USH2A: variants seen among roughly 807,000 people sequenced by gnomAD.
The protein encoded by USH2A is Usher syndrome 2A (autosomal recessive, mild).
A neutral mutation model predicts 538.9 loss-of-function variants in USH2A; 443 were observed. The ratio of observed to expected loss-of-function variants is 0.82; its 90% CI spans 0.76 to 0.89. The LOEUF is 0.89. USH2A is among the 40% of genes least tolerant of loss of function. USH2A has a pLI of 0.00. For missense variants in USH2A, 6,633 were observed against 6,324.8 expected, an observed-to-expected ratio of 1.05 and a Z score of -1.65; for synonymous variants, 2,413 against 2,273.5, an observed-to-expected ratio of 1.06 and a Z score of -1.75.
intron 61 of USH2A, among the ~76,000 whole-genome samples, chr1:215,717,596 A>T (rs1659521711): frequency 6.6e-6 from 1 of 152,282 alleles, no homozygotes; most frequent in African/African-American, 2.4e-5. Context: ...AGAAAAGACT[A>T]TTTCTCGTTT....
intron 35 of USH2A, among the ~76,000 whole-genome samples, chr1:215,988,637 T>C (rs1571869168): frequency 6.6e-6 from 1 of 152,192 alleles, no homozygotes; most frequent in Non-Finnish European, 1.5e-5. Flanking sequence ...TATTTAAGGG[T>C]TCCAGTTTCT....
At chr1:216,179,151 G>T (rs554477885) in intron 20 of USH2A, among the ~76,000 whole-genome samples, 25 of 152,130 alleles carry the variant, frequency 1.6e-4, no homozygotes, top group Middle Eastern at 6.8e-3. Flanking sequence ...CACCACCACA[G>T]AAATCAAATT....
At chr1:216,346,028 C>T (rs995845248) in intron 4 of USH2A, among the ~76,000 whole-genome samples, 41 of 152,134 alleles carry the variant, frequency 2.7e-4, no homozygotes, top group African/African-American at 9.9e-4. Context: ...GGTTCAATTC[C>T]CAGCTTAGGG....
At position 216,070,215 on chromosome 1, in the gene USH2A, C is replaced by A. The variant is rs763385436; in HGVS notation, c.5935G>T (p.Val1979Phe). ...TACTTCTCAATTACACCTCTGACAA[C>A]AGGTTCATCCCAGGTCACCTCAATG... ...YSIEVTWDEP[V>F]VRGVIEKYIL... The change falls in exon 30 of 72, where the codon GTT (valine) becomes TTT (phenylalanine). Residue 1979 changes from valine to phenylalanine, a missense_variant. Coordinates refer to ENST00000307340, the MANE Select transcript of USH2A (RefSeq NM_206933.4). The A allele has an allele frequency of 5.6e-6, 9 of 1,613,976 alleles. No individual in the cohort carries two copies. In the South Asian group the frequency reaches 9.9e-5, roughly 18 times the overall value.
chr1:215,825,255 G>A (rs1322560282), intron 47 of USH2A, among the ~76,000 whole-genome samples: 1 of 152,054 alleles, frequency 6.6e-6, no homozygotes, highest in Non-Finnish European at 1.5e-5. Context: ...ATCTTGCTAT[G>A]TTGCTCAGGC....
rs1395359795 is a variant in USH2A, at chr1:215,624,716, G to C, written c.*1065C>G. ...ATCATCTGTTCTTACTGATTCTGTG[G>C]CTAAAATAATGGCTAGTTCTCCAAA... is the stretch of plus-strand genomic sequence containing the variant. On this transcript the variant is annotated 3_prime_UTR_variant, in exon 72 of 72. Coordinates refer to ENST00000307340, the MANE Select transcript of USH2A (RefSeq NM_206933.4). The C allele has an allele frequency of 1.3e-5, 2 of 152,008 alleles. No individual in the cohort carries two copies. Among genetic ancestry groups the C allele is most frequent in the Non-Finnish European group, 2.9e-5 (2 of 68,012 alleles). The allele number at this position is 152,008 out of a possible 1,614,324, so 9.4% of individuals were successfully genotyped here. A position where few individuals can be genotyped will look rare whatever the true frequency, so the allele number is the denominator to read the frequency against.
intron 11 of USH2A, among the ~76,000 whole-genome samples, chr1:216,273,346 A>G (rs1171506861): frequency 6.6e-6 from 1 of 152,042 alleles, no homozygotes; most frequent in Non-Finnish European, 1.5e-5. Flanking sequence ...CTCAAAACTC[A>G]CTGACCAGGG....
At chr1:216,358,615 C>G (rs918963184) in intron 4 of USH2A, among the ~76,000 whole-genome samples, 7 of 151,904 alleles carry the variant, frequency 4.6e-5, no homozygotes, top group Non-Finnish European at 1.0e-4. Context: ...AGTCTATACG[C>G]CATCTCTAAT....
chr1:216,120,379 GTATT>G (rs1242470970), intron 21 of USH2A, among the ~76,000 whole-genome samples: 1 of 150,524 alleles, frequency 6.6e-6, no homozygotes, highest in Admixed American at 6.6e-5. Context: ...TATTATTTAT[GTATT>G]TATTTATTTA....
chr1:216,265,211 C>T (rs1406355615), intron 11 of USH2A, among the ~76,000 whole-genome samples: 7 of 151,898 alleles, frequency 4.6e-5, no homozygotes, highest in East Asian at 1.9e-4. Context: ...AGACATTTCT[C>T]AAAAGAAGAC....
In USH2A at chr1:215,647,676, A is replaced by G. The variant is rs1472687205; in HGVS notation, c.14637T>C (p.Thr4879=). Residue 4879 remains threonine (T), a synonymous_variant, in exon 67 of 72, where the codon ACT becomes ACC. Coordinates refer to ENST00000307340, the MANE Select transcript of USH2A (RefSeq NM_206933.4). ...ACPPDSALPC[T]PSQIETKYTG... ...TGTACTTTGTTTCTATTTGGCTGGG[A>G]GTACAGGGGAGGGCTGAGTCAGGAG... is the stretch of plus-strand genomic sequence containing the variant. 8 of 1,614,046 alleles carry G rather than the reference A, an allele frequency of 5.0e-6. No homozygotes were observed. The highest frequency in any genetic ancestry group is 5.9e-6 in the Non-Finnish European group (7 of 1,180,046).
intron 37 of USH2A, among the ~76,000 whole-genome samples, chr1:215,944,084 T>C (rs1012908768): frequency 6.6e-6 from 1 of 152,170 alleles, no homozygotes; most frequent in Non-Finnish European, 1.5e-5. Flanking sequence ...CCAAGGAAAG[T>C]ATGTAAATTG....
At chr1:215,929,920 A>G (rs1198512397) in intron 38 of USH2A, among the ~76,000 whole-genome samples, 2 of 151,690 alleles carry the variant, frequency 1.3e-5, no homozygotes, top group East Asian at 1.9e-4. Context: ...TTTTAGGTGG[A>G]TAAGTGGAGA....
chr1:215,842,521 C>T (rs1479926707), intron 46 of USH2A, among the ~76,000 whole-genome samples: 1 of 152,082 alleles, frequency 6.6e-6, no homozygotes, highest in Non-Finnish European at 1.5e-5. Flanking sequence ...ATGTTCATTG[C>T]AGCACTATTA....
chr1:216,171,559 C>G (rs1481514498), intron 21 of USH2A, among the ~76,000 whole-genome samples: 1 of 151,934 alleles, frequency 6.6e-6, no homozygotes, highest in Non-Finnish European at 1.5e-5. Context: ...AGGAAAGCTC[C>G]TGTCTCATAG....
chr1:215,804,373 G>C (rs1039117542), intron 49 of USH2A, among the ~76,000 whole-genome samples: 30 of 152,048 alleles, frequency 2.0e-4, no homozygotes, highest in Admixed American at 1.1e-3. Flanking sequence ...GAAAACTTTT[G>C]CAATCTACTC....
Position 215,900,806 on chromosome 1 carries a change from G to A in USH2A, c.7400C>T (p.Pro2467Leu), listed in dbSNP as rs2102470160. The A allele has an allele frequency of 6.2e-7, 1 of 1,613,746 alleles. No homozygotes were observed. Among genetic ancestry groups the A allele is most frequent in the African/African-American group, 1.3e-5 (1 of 74,990 alleles). Residue 2467 changes from proline to leucine, a missense_variant, in exon 39 of 72, where the codon CCC (proline) becomes CTC (leucine). Pro to Leu is a moderately conservative substitution (Grantham distance 98). Transcript: ENST00000307340. ...TPARNNAPGSPRYQLQMRSGD... is the reference protein window; with the variant it reads ...TPARNNAPGSLRYQLQMRSGD... ...AGACCTCATCTGGAGTTGGTATCTG[G>A]GAGAGCCAGGAGCGTTATTACGAGC...
At chr1:216,048,764 G>A in intron 30 of USH2A, 117 bp from the exon 31 acceptor site, 1 of 889,266 alleles carries the variant, frequency 1.1e-6, no homozygotes, top group Admixed American at 1.8e-5. Flanking sequence ...AAAGAGACCA[G>A]AGACAGAAAT....
chr1:216,343,619 AGAT>A (rs2038120154), intron 4 of USH2A, among the ~76,000 whole-genome samples: 1 of 151,092 alleles, frequency 6.6e-6, no homozygotes, highest in Non-Finnish European at 1.5e-5. Flanking sequence ...ATAAAAAAAT[AGAT>A]CTGTGTCCAT....
Sources: gnomAD v4.1 joint callset for allele counts (sites outside exome capture counted in the v4.1 genomes callset) on GRCh38, gnomAD v4.1.1 for gene constraint, MANE v1.5 for transcripts, NCBI Gene and HGNC (gene_info 2026-07-23, HGNC 2026-07-21) for gene names.